The following FUBP1 variants were observed in gnomAD, a reference collection of about 807,000 sequenced individuals.
The protein encoded by FUBP1 is far upstream element-binding protein 1.
Under a neutral mutation model 94.9 loss-of-function variants are expected in FUBP1, and 16 were observed. The observed-to-expected ratio is 0.17, with a 90% CI of 0.11 to 0.26. The LOEUF (loss-of-function observed/expected upper bound fraction) is 0.26, where lower values mean the gene tolerates loss of function less well. FUBP1 is among the 10% of genes least tolerant of loss of function. The pLI is 1.00. For missense variants in FUBP1, 583 were observed against 808.6 expected (o/e 0.72, Z 3.38); for synonymous variants, 279 against 254.9 (o/e 1.09, Z -0.90).
Position 77,960,415 on chromosome 1 carries a change from T to C in FUBP1, c.1425A>G (p.Pro475=). 2 of 1,594,032 alleles carry C rather than the reference T, an allele frequency of 1.3e-6. No individual in the cohort carries two copies. The highest frequency in any genetic ancestry group is 1.9e-5 in the Admixed American group (1 of 53,206). The stretch of plus-strand genomic sequence containing the variant: ...ATGGTCCCATTGGAGTTCCAGGCCC[T>C]GGAGGCCCAGGAGGTCCATGGGGGC... ...VPGPHGPPGP[P]GPGTPMGPYN... The change falls in exon 15 of 20, where the codon CCA becomes CCG. Residue 475 remains proline, a synonymous_variant. Transcript: ENST00000370768.
Position 77,948,330 on chromosome 1 carries a change from A to C in FUBP1, c.*436T>G. On this transcript the variant is annotated 3_prime_UTR_variant, in exon 20 of 20. Transcript: ENST00000370768. The stretch of plus-strand genomic sequence containing the variant: ...ATGGGGAAAGCTTATATATTTGTGT[A>C]TATGTATCTTAATTTATCATTGCTA... The C allele has an allele frequency of 9.5e-7, 1 of 1,050,158 alleles. No homozygotes were observed. Among genetic ancestry groups the C allele is most frequent in the Non-Finnish European group, 1.2e-6 (1 of 865,606 alleles). 65.1% of individuals were successfully genotyped at this position (1,050,158 alleles called of 1,614,324 possible).
chr1:77,965,883 C>T (rs1656383370), intron 7 of FUBP1, among the ~76,000 whole-genome samples: 1 of 152,158 alleles, frequency 6.6e-6, no homozygotes, highest in South Asian at 2.1e-4. Context: ...CCTGTCTCTA[C>T]TAAAAAAATA....
At chr1:77,959,858 G>A in intron 16 of FUBP1, among the ~76,000 whole-genome samples, 1 of 152,166 alleles carries the variant, frequency 6.6e-6, no homozygotes, top group East Asian at 1.9e-4. Flanking sequence ...TTTTTCCACA[G>A]ATAATGTCAC....
chr1:77,955,049 T>A (rs1654193699), intron 18 of FUBP1, among the ~76,000 whole-genome samples: 1 of 152,216 alleles, frequency 6.6e-6, no homozygotes, highest in African/African-American at 2.4e-5. Context: ...TAAGGACATT[T>A]CTAGTTTCAA....
At chr1:77,965,998 A>G (rs542114226) in intron 7 of FUBP1, among the ~76,000 whole-genome samples, 7 of 152,374 alleles carry the variant, frequency 4.6e-5, no homozygotes, top group Admixed American at 4.6e-4. Context: ...GCCTGGCAAC[A>G]GAGCGAGACT....
rs753055980 is a variant in FUBP1 at position 77,968,202 on chromosome 1, A to G, written c.213T>C (p.Asp71=). 8 of 1,535,650 alleles carry G rather than the reference A, an allele frequency of 5.2e-6. No homozygotes were observed. In the African/African-American group the frequency reaches 1.2e-4, roughly 22 times the overall value. ...GAGCAACTTTCTTAGCATCTGGTTG[A>G]TCTGCAAAATTAAGTGTCTTTTAAT... ...GGQKRPLEDG[D]QPDAKKVAPQ... is the part of the protein sequence containing the mutation. The change falls in exon 3 of 20, where the codon GAT becomes GAC. Residue 71 remains aspartate (D), a splice_region_variant and synonymous_variant. Transcript: ENST00000370768.
rs1655753789 is a variant in FUBP1, at chr1:77,962,805, C to T, written c.1309G>A (p.Asp437Asn). Reference sequence around the variant, plus strand: ...TCTTCTATGAGTTGCCGAGCATAGTCTATCTGTTGTGGAGTGCCACGAATT... The same window carrying T: ...TCTTCTATGAGTTGCCGAGCATAGTTTATCTGTTGTGGAGTGCCACGAATT... ...FTIRGTPQQIDYARQLIEEKI... is the reference protein window; with the variant it reads ...FTIRGTPQQINYARQLIEEKI... Residue 437 changes from aspartate to asparagine, a missense_variant, in exon 14 of 20, where the codon GAC becomes AAC. Physicochemically the swap from Asp to Asn is conservative, Grantham distance 23. Coordinates refer to ENST00000370768, the MANE Select transcript of FUBP1 (RefSeq NM_003902.5). 6.2e-7 allele frequency: 1 copy of T among 1,612,396 alleles called. No homozygotes were observed. The highest frequency in any genetic ancestry group is 8.5e-7 in the Non-Finnish European group (1 of 1,178,708).
rs1368943119 is a variant in FUBP1 at position 77,945,514 on chromosome 1, T to C, written c.*3252A>G. The C allele has an allele frequency of 4.7e-6, 1 of 210,726 alleles. No homozygotes were observed. Among genetic ancestry groups the C allele is most frequent in the Non-Finnish European group, 9.6e-6 (1 of 103,708 alleles). 13.1% of individuals were successfully genotyped at this position (210,726 alleles called of 1,614,324 possible). ...TGATTTGCCAATTTTACCTTCTACA[T>C]TGAGCCCTTCTATGGTCCATGCTCA... On this transcript the variant is annotated 3_prime_UTR_variant, in exon 20 of 20. Coordinates refer to ENST00000370768, the MANE Select transcript of FUBP1 (RefSeq NM_003902.5).
chr1:77,960,470 G>A lies in FUBP1; in HGVS notation c.1370C>T (p.Pro457Leu). Residue 457 changes from proline (P) to leucine (L), a missense_variant, in exon 15 of 20, where the codon CCT (proline) becomes CTT (leucine). Transcript: ENST00000370768. ...GACACCATGGGGCCCATGGGGTACA[G>A]GTGGCCCTAAAGGATTTACTGGGCC... Reference protein sequence around the residue: ...IGGPVNPLGPPVPHGPHGVPG... With the variant: ...IGGPVNPLGPLVPHGPHGVPG... 1 of 1,601,074 alleles carries A rather than the reference G, an allele frequency of 6.2e-7. No individual in the cohort carries two copies. Among genetic ancestry groups the A allele is most frequent in the Non-Finnish European group, 8.5e-7 (1 of 1,176,574 alleles).
Position 77,979,039 on chromosome 1 carries a change from A to G in FUBP1, c.-35T>C. ...ATAAGAGCCGCTGCCGCCTGTTCAGAGACTTCCTCTCAGCTAACAGCTAAG... is the reference window on the plus strand; with the variant it reads ...ATAAGAGCCGCTGCCGCCTGTTCAGGGACTTCCTCTCAGCTAACAGCTAAG... On this transcript the variant is annotated 5_prime_UTR_variant, in exon 1 of 20. Coordinates refer to ENST00000370768, the MANE Select transcript of FUBP1 (RefSeq NM_003902.5). 1 of 1,576,448 alleles carries G rather than the reference A, an allele frequency of 6.3e-7. No homozygotes were observed. The highest frequency in any genetic ancestry group is 8.7e-7 in the Non-Finnish European group (1 of 1,155,886).
At chr1:77,951,738 C>T (rs932251225) in intron 18 of FUBP1, among the ~76,000 whole-genome samples, 1 of 151,932 alleles carries the variant, frequency 6.6e-6, no homozygotes, top group Non-Finnish European at 1.5e-5. Flanking sequence ...TCTTTCATCC[C>T]AAAGATAAAA....
chr1:77,947,936 G>GA lies in FUBP1; in HGVS notation c.*829dup. Reference sequence around the variant, plus strand: ...TACATTGAAAGAGTTGCTTCACATGGAAAAAAACTGTTCTTATTAGACTAC... The same window carrying GA: ...TACATTGAAAGAGTTGCTTCACATGGAAAAAAAACTGTTCTTATTAGACTAC... On this transcript the variant is annotated 3_prime_UTR_variant, in exon 20 of 20. Coordinates refer to ENST00000370768, the MANE Select transcript of FUBP1 (RefSeq NM_003902.5). 1 of 999,100 alleles carries GA rather than the reference G, an allele frequency of 1.0e-6. No individual in the cohort carries two copies. The highest frequency in any genetic ancestry group is 3.9e-5 in the South Asian group (1 of 25,826). The allele number at this position is 999,100 out of a possible 1,614,324, so 61.9% of individuals were successfully genotyped here.
chr1:77,979,309 T>C, upstream of FUBP1: 1 of 366,958 alleles, frequency 2.7e-6, no homozygotes, highest in Non-Finnish European at 5.1e-6. Context: ...GCTGGGTAAT[T>C]GTTCCTGCAG....
At chr1:77,956,770 C>T (rs2102313321) in intron 16 of FUBP1, 70 bp from the exon 17 acceptor site, 2 of 1,127,816 alleles carry the variant, frequency 1.8e-6, no homozygotes, top group South Asian at 1.8e-5. Flanking sequence ...CACACACCAC[C>T]CCCCCGCCCA....
chr1:77,977,107 G>A (rs1344801985), intron 1 of FUBP1, among the ~76,000 whole-genome samples: 1 of 152,174 alleles, frequency 6.6e-6, no homozygotes, highest in Non-Finnish European at 1.5e-5. Context: ...TATTTTGTCT[G>A]CTCTCGTTAA....
At chr1:77,950,308 C>T (rs1653167311) in intron 18 of FUBP1, among the ~76,000 whole-genome samples, 1 of 152,102 alleles carries the variant, frequency 6.6e-6, no homozygotes. Flanking sequence ...ACTACAGGCC[C>T]ACCATGCCTA....
intron 14 of FUBP1, chr1:77,960,701 T>G: frequency 2.2e-6 from 1 of 460,836 alleles, no homozygotes; most frequent in Non-Finnish European, 3.9e-6. Context: ...TCAATAGCAG[T>G]AGCAATTAAA....
rs892675681 is a variant in FUBP1, at chr1:77,968,671, C to G, written c.212-468G>C. On this transcript the variant is annotated intron_variant, in intron 2 of 19. Coordinates refer to ENST00000370768, the MANE Select transcript of FUBP1 (RefSeq NM_003902.5). Reference sequence around the variant, plus strand: ...AAAAAAAAAACAAAAAAACCCCCCACAACATTACAAGGCAATCTCAACCTA... The same window carrying G: ...AAAAAAAAAACAAAAAAACCCCCCAGAACATTACAAGGCAATCTCAACCTA... 6.0e-5 allele frequency among the ~76,000 whole-genome samples: 9 copies of G among 150,628 alleles called. 1 individual carries two copies. The highest frequency in any genetic ancestry group is 2.0e-4 in the Admixed American group (3 of 15,112).
At chr1:77,962,130 G>A (rs1248262339) in intron 14 of FUBP1, among the ~76,000 whole-genome samples, 1 of 152,296 alleles carries the variant, frequency 6.6e-6, no homozygotes, top group East Asian at 1.9e-4. Context: ...AGCAGTCAAA[G>A]CGTTTCATAC....
Sources: gnomAD v4.1 joint callset for allele counts (sites outside exome capture counted in the v4.1 genomes callset) on GRCh38, gnomAD v4.1.1 for gene constraint, MANE v1.5 for transcripts, NCBI Gene and HGNC (gene_info 2026-07-23, HGNC 2026-07-21) for gene names.